The following CNBD1 variants were observed in gnomAD, a reference collection of about 807,000 sequenced individuals.
CNBD1 encodes cyclic nucleotide-binding domain-containing protein 1.
Under a neutral mutation model 54.4 loss-of-function variants are expected in CNBD1, and 71 were observed. The observed-to-expected ratio is 1.30, with a 90% confidence interval of 1.08 to 1.59. The LOEUF is 1.59. Among genes scored for constraint, CNBD1 ranks in the 40% most tolerant of loss-of-function variants. The pLI is 0.00. For missense variants in CNBD1, 659 were observed against 518.0 expected (o/e 1.27, Z -2.64); for synonymous variants, 182 against 170.7 (o/e 1.07, Z -0.51).
At chr8:86,931,889 T>C (rs1183294920) in intron 3 of CNBD1, among the ~76,000 whole-genome samples, 3 of 152,156 alleles carry the variant, frequency 2.0e-5, no homozygotes, top group Non-Finnish European at 4.4e-5. Context: ...CCCTGAGTTA[T>C]GGTGGACATC....
chr8:87,200,120 T>C (rs1019984495), intron 4 of CNBD1, among the ~76,000 whole-genome samples: 4 of 152,056 alleles, frequency 2.6e-5, no homozygotes, highest in Non-Finnish European at 4.4e-5. Context: ...TGGGCTACCA[T>C]CCATTGTACC....
Position 87,028,813 on chromosome 8 carries a change from T to C in CNBD1, c.431+89059T>C, listed in dbSNP as rs34346477. The stretch of plus-strand genomic sequence containing the variant: ...TAAAACAAATGTAAGTTTCAAGCTT[T>C]AAGACCAGCAGGGTCAATTTCTGTT... On this transcript the variant is annotated intron_variant, in intron 4 of 10. Coordinates refer to ENST00000518476, the MANE Select transcript of CNBD1 (RefSeq NM_173538.3). Among the ~76,000 whole-genome samples the C allele has an allele frequency of 2.1e-3, 318 of 152,338 alleles. 1 individual carries two copies. Among genetic ancestry groups the C allele is most frequent in the Middle Eastern group, 6.8e-3 (2 of 294 alleles).
intron 8 of CNBD1, among the ~76,000 whole-genome samples, chr8:87,305,526 C>CA: frequency 6.6e-6 from 1 of 152,140 alleles, no homozygotes; most frequent in South Asian, 2.1e-4. Flanking sequence ...CCATAGTCAC[C>CA]AAAACAGCAT....
chr8:87,281,274 T>C (rs1216109767), intron 6 of CNBD1, among the ~76,000 whole-genome samples: 1 of 151,266 alleles, frequency 6.6e-6, no homozygotes, highest in Non-Finnish European at 1.5e-5. Flanking sequence ...TAATACATAC[T>C]TTCTATGGCC....
chr8:87,313,547 G>A (rs758136044), intron 8 of CNBD1, among the ~76,000 whole-genome samples: 7 of 151,934 alleles, frequency 4.6e-5, no homozygotes, highest in Non-Finnish European at 8.8e-5. Context: ...AGTTTTTAAT[G>A]CATGGAACCA....
At chr8:87,416,330 T>G (rs938800600) in intron 2 of CNBD1, among the ~76,000 whole-genome samples, 1 of 152,058 alleles carries the variant, frequency 6.6e-6, no homozygotes, top group Admixed American at 6.6e-5. Context: ...TAAGAACCAA[T>G]GTTTTCAGTT....
chr8:86,944,135 T>A (rs1807405634), intron 4 of CNBD1, among the ~76,000 whole-genome samples: 1 of 152,184 alleles, frequency 6.6e-6, no homozygotes, highest in Admixed American at 6.5e-5. Context: ...GAGAAAATAT[T>A]TCAGAAGAAG....
intron 2 of CNBD1, among the ~76,000 whole-genome samples, chr8:87,427,755 G>T (rs1586097614): frequency 6.6e-6 from 1 of 152,194 alleles, no homozygotes; most frequent in East Asian, 1.9e-4. Flanking sequence ...AAAAATTTTG[G>T]CTCTTTCTGT....
chr8:86,986,548 T>C (rs1198367221), intron 4 of CNBD1, among the ~76,000 whole-genome samples: 1 of 152,196 alleles, frequency 6.6e-6, no homozygotes, highest in Admixed American at 6.5e-5. Flanking sequence ...TTGTTTTTGT[T>C]GTAATTGCTT....
At chr8:87,303,058 T>C (rs1197272006) in intron 8 of CNBD1, among the ~76,000 whole-genome samples, 1 of 151,892 alleles carries the variant, frequency 6.6e-6, no homozygotes, top group East Asian at 1.9e-4. Context: ...ATGGCCATAC[T>C]GCCCAAGGTA....
At chr8:87,408,773 C>T (rs941703472) in intron 2 of CNBD1, among the ~76,000 whole-genome samples, 2 of 152,104 alleles carry the variant, frequency 1.3e-5, no homozygotes, top group African/African-American at 2.4e-5. Context: ...TCAAACTTCT[C>T]ATTATTATTA....
intron 4 of CNBD1, among the ~76,000 whole-genome samples, chr8:87,081,676 T>G (rs953634803): frequency 3.3e-5 from 5 of 151,842 alleles, no homozygotes. Context: ...GCTAATTTTT[T>G]TTCATATTTT....
At chr8:86,869,087 G>T (rs2453434) in intron 1 of CNBD1, among the ~76,000 whole-genome samples, 6,172 of 152,284 alleles carry the variant, frequency 0.041, 166 homozygotes, top group Middle Eastern at 0.075. Flanking sequence ...AGCGTCTCCA[G>T]AAGAATTGCA....
At chr8:87,342,893 G>A (rs1810096423) in intron 8 of CNBD1, among the ~76,000 whole-genome samples, 1 of 152,158 alleles carries the variant, frequency 6.6e-6, no homozygotes, top group Non-Finnish European at 1.5e-5. Context: ...CAGGGTTTGA[G>A]AGCAGAGAAC....
At chr8:87,093,312 G>A (rs1390436164) in intron 4 of CNBD1, among the ~76,000 whole-genome samples, 2 of 152,156 alleles carry the variant, frequency 1.3e-5, no homozygotes, top group African/African-American at 4.8e-5. Flanking sequence ...CCTGCTAGGA[G>A]GAGATGAATA....
Position 87,091,101 on chromosome 8 carries a change from C to T in CNBD1, c.432-114892C>T, listed in dbSNP as rs540741797. Among the ~76,000 whole-genome samples the T allele has an allele frequency of 6.4e-5, 9 of 141,366 alleles. No individual in the cohort carries two copies. The East Asian group carries it at 1.9e-3, about 30-fold the overall frequency. The allele number at this position is 141,366 out of a possible 152,430, so 92.7% of individuals were successfully genotyped here. A position where few individuals can be genotyped will look rare whatever the true frequency, so the allele number is the denominator to read the frequency against. On this transcript the variant is annotated intron_variant, in intron 4 of 10. Transcript: ENST00000518476. ...GTTGCAGTGAGGTGAGGTAGTGCTA[C>T]TACACTCCAGCCTGGGTGACAGAGT...
At chr8:87,140,963 G>A (rs1326015219) in intron 4 of CNBD1, among the ~76,000 whole-genome samples, 1 of 151,824 alleles carries the variant, frequency 6.6e-6, no homozygotes, top group Non-Finnish European at 1.5e-5. Context: ...GTTTTCTTTA[G>A]CGAATATTAA....
chr8:87,361,068 A>C (rs1046799924), intron 10 of CNBD1, among the ~76,000 whole-genome samples: 7 of 151,900 alleles, frequency 4.6e-5, no homozygotes, highest in Non-Finnish European at 7.4e-5. Flanking sequence ...GCTCTTGAAC[A>C]GTTTGCCACA....
intron 4 of CNBD1, among the ~76,000 whole-genome samples, chr8:87,017,209 A>G (rs1461103825): frequency 6.6e-6 from 1 of 152,234 alleles, no homozygotes; most frequent in Non-Finnish European, 1.5e-5. Context: ...AAAATGTAAG[A>G]TGTTTAAACA....
Sources: gnomAD v4.1 joint callset for allele counts (sites outside exome capture counted in the v4.1 genomes callset) on GRCh38, gnomAD v4.1.1 for gene constraint, MANE v1.5 for transcripts, NCBI Gene and HGNC (gene_info 2026-07-23, HGNC 2026-07-21) for gene names.